Variants in CUX1 observed in about 807,000 individuals in gnomAD.
CUX1 encodes the protein cut like homeobox 1.
Under a neutral mutation model 158.8 loss-of-function variants are expected in CUX1, and 31 were observed. The ratio of observed to expected loss-of-function variants is 0.20; its 90% CI spans 0.15 to 0.26. CUX1 has a LOEUF of 0.26. Among genes scored for constraint, CUX1 ranks in the 10% least tolerant of loss-of-function variants. The pLI is 1.00. For missense variants in CUX1, 1,589 were observed against 2,014.6 expected (o/e 0.79, Z 4.04); for synonymous variants, 879 against 862.1 (o/e 1.02, Z -0.34).
chr7:101,836,298 G>A (rs1283978143), intron 1 of CUX1, among the ~76,000 whole-genome samples: 2 of 152,046 alleles, frequency 1.3e-5, no homozygotes, highest in Admixed American at 6.5e-5. Context: ...GGGTGCAGGT[G>A]CTCCCCTGCG....
At chr7:102,158,678 C>T (rs568966777) in intron 9 of CUX1, 70 bp downstream of exon 9, 6 of 1,465,658 alleles carry the variant, frequency 4.1e-6, no homozygotes, top group South Asian at 3.4e-5. Context: ...TCGGAAGATG[C>T]GTCACCCGAA....
intron 1 of CUX1, among the ~76,000 whole-genome samples, chr7:101,830,400 C>T (rs1236559654): frequency 2.0e-5 from 3 of 152,214 alleles, no homozygotes; most frequent in African/African-American, 7.2e-5. Context: ...GCTTCTTTTC[C>T]TCGGGGAATT....
intron 1 of CUX1, among the ~76,000 whole-genome samples, chr7:101,842,795 T>C (rs2906743): frequency 0.18 from 26,736 of 151,420 alleles, 2,554 homozygotes; most frequent in African/African-American, 0.23. Context: ...TATTGGTTTT[T>C]TTTTTTTGAT....
At chr7:101,877,656 C>T (rs997146851) in intron 1 of CUX1, among the ~76,000 whole-genome samples, 1 of 152,118 alleles carries the variant, frequency 6.6e-6, no homozygotes, top group African/African-American at 2.4e-5. Context: ...CACTGCACTC[C>T]AGCCTGGGTG....
intron 2 of CUX1, among the ~76,000 whole-genome samples, chr7:102,014,880 A>G (rs1173437848): frequency 6.6e-6 from 1 of 151,208 alleles, no homozygotes; most frequent in South Asian, 2.1e-4. Context: ...AAAAAGAAAA[A>G]AAGCATCTAA....
intron 4 of CUX1, among the ~76,000 whole-genome samples, chr7:102,084,858 CTTTTTTTTT>C (rs60908109): frequency 1.8e-5 from 1 of 56,048 alleles, no homozygotes; most frequent in Non-Finnish European, 3.3e-5. Context: ...ATTTTCCTTG[CTTTTTTTTT>C]TTTTTTTTTT....
chr7:102,200,008 G>A (rs534895146), intron 16 of CUX1, 63 bp from the exon 17 acceptor site: 9 of 1,405,958 alleles, frequency 6.4e-6, no homozygotes, highest in Admixed American at 4.0e-5. Context: ...TGACGTCTTC[G>A]CGCAGCGCTG....
intron 2 of CUX1, among the ~76,000 whole-genome samples, chr7:101,981,002 G>A (rs1013388772): frequency 5.9e-5 from 9 of 152,142 alleles, no homozygotes; most frequent in African/African-American, 1.9e-4. Flanking sequence ...TTAGTTTGGT[G>A]CAAAAGTCAT....
chr7:102,260,263 A>G (rs1222699646), downstream of CUX1, among the ~76,000 whole-genome samples: 2 of 148,302 alleles, frequency 1.3e-5, no homozygotes, highest in Non-Finnish European at 3.0e-5. Flanking sequence ...CGCCTGGCTA[A>G]TTTTTTGCAG....
At chr7:102,030,691 G>GTTTTTTTTTTTTTTTTTTGTTTTTTGTTT (rs71119801) in intron 3 of CUX1, among the ~76,000 whole-genome samples, 1 of 119,386 alleles carries the variant, frequency 8.4e-6, no homozygotes, top group African/African-American at 3.1e-5. Context: ...TTTAAAAAGT[G>GTTTTTTTTTTTTTTTTTTGTTTTTTGTTT]TTTTTTTTTT....
chr7:102,169,637 G>A (rs782821055), intron 9 of CUX1, among the ~76,000 whole-genome samples: 3 of 152,228 alleles, frequency 2.0e-5, no homozygotes, highest in Admixed American at 6.5e-5. Context: ...GTGAGTTTGG[G>A]TAACTTGCCA....
At chr7:102,126,385 A>G (rs1473194188) in intron 8 of CUX1, among the ~76,000 whole-genome samples, 2 of 152,130 alleles carry the variant, frequency 1.3e-5, no homozygotes, top group African/African-American at 4.8e-5. Context: ...TTACTATACA[A>G]AGTTTAGAAA....
At chr7:102,051,406 G>A (rs758893926) in intron 3 of CUX1, among the ~76,000 whole-genome samples, 3 of 151,652 alleles carry the variant, frequency 2.0e-5, no homozygotes, top group Non-Finnish European at 4.4e-5. Flanking sequence ...CCAACACTTT[G>A]AGAGACTGAC....
At chr7:102,182,335 A>G (rs782094009) in intron 11 of CUX1, among the ~76,000 whole-genome samples, 2 of 152,208 alleles carry the variant, frequency 1.3e-5, no homozygotes, top group African/African-American at 2.4e-5. Flanking sequence ...ATACTTTCCA[A>G]TGATACTTTC....
At chr7:101,855,896 G>T (rs1274563095) in intron 1 of CUX1, among the ~76,000 whole-genome samples, 1 of 89,880 alleles carries the variant, frequency 1.1e-5, no homozygotes, top group African/African-American at 3.9e-5. Context: ...AAAAAAAAAT[G>T]CAGCTTAAGT....
chr7:102,053,754 A>G (rs1183495364), intron 3 of CUX1, among the ~76,000 whole-genome samples: 1 of 143,522 alleles, frequency 7.0e-6, no homozygotes, highest in Non-Finnish European at 1.5e-5. Context: ...GGGCTTATAT[A>G]TTCTGGAGTA....
At chr7:102,096,978 G>A (rs911497765) in intron 4 of CUX1, among the ~76,000 whole-genome samples, 1 of 152,202 alleles carries the variant, frequency 6.6e-6, no homozygotes, top group Admixed American at 6.5e-5. Context: ...ACCTGTCCAC[G>A]GACTTGTCCG....
chr7:102,070,539 C>T, intron 4 of CUX1, 122 bp downstream of exon 4: 8 of 685,158 alleles, frequency 1.2e-5, no homozygotes, highest in Non-Finnish European at 1.7e-5. Flanking sequence ...GGCAACTTCC[C>T]CCCAAGAAAC....
chr7:101,953,192 CTGAT>C (rs1455498616), intron 2 of CUX1, among the ~76,000 whole-genome samples: 1 of 152,184 alleles, frequency 6.6e-6, no homozygotes, highest in Non-Finnish European at 1.5e-5. Flanking sequence ...CTGTGACTCA[CTGAT>C]TGATTAATGT....
Sources: allele counts gnomAD v4.1 joint callset (sites outside exome capture counted in the v4.1 genomes callset), GRCh38; gene constraint gnomAD v4.1.1; transcripts MANE v1.5; gene names NCBI Gene and HGNC (gene_info 2026-07-23, HGNC 2026-07-21).